Variants in CNTN5 observed in about 807,000 individuals in gnomAD.
The protein encoded by CNTN5 is contactin-5.
Under a neutral mutation model 129.1 loss-of-function variants are expected in CNTN5, and 77 were observed. That is an observed-to-expected ratio of 0.60 (90% CI 0.50 to 0.72). The LOEUF (loss-of-function observed/expected upper bound fraction) is 0.72, where lower values mean the gene tolerates loss of function less well. Ranked by LOEUF, CNTN5 falls within the 30% of genes least tolerant of loss-of-function variation. The probability of loss-of-function intolerance (pLI) is 0.00; values close to 1 mark genes in which losing one functional copy is unlikely to be tolerated. For synonymous variants in CNTN5, 509 were observed against 465.6 expected (o/e 1.09, Z -1.20); for missense variants, 1,478 against 1,328.8 (o/e 1.11, Z -1.75).
At chr11:100,066,802 C>G (rs1943712597) in intron 10 of CNTN5, among the ~76,000 whole-genome samples, 1 of 137,788 alleles carries the variant, frequency 7.3e-6, no homozygotes, top group Admixed American at 7.5e-5. Flanking sequence ...AAGCCAAAGC[C>G]AATGCCCTTT....
chr11:100,341,853 T>C (rs1952169069), intron 23 of CNTN5, among the ~76,000 whole-genome samples: 1 of 151,986 alleles, frequency 6.6e-6, no homozygotes, highest in Non-Finnish European at 1.5e-5. Flanking sequence ...TGTCAGATTC[T>C]GTTTGTTGCA....
chr11:99,539,079 C>T (rs72995216), intron 2 of CNTN5, among the ~76,000 whole-genome samples: 12,645 of 151,992 alleles, frequency 0.083, 615 homozygotes, highest in African/African-American at 0.12. Context: ...AAGAGAACCT[C>T]AGGAGATATG....
intron 4 of CNTN5, among the ~76,000 whole-genome samples, chr11:99,827,604 T>G (rs1947005342): frequency 6.6e-6 from 1 of 152,326 alleles, no homozygotes. Flanking sequence ...CACATATTTT[T>G]GTTAGGTCTG....
chr11:99,609,342 T>C (rs1206238109), intron 3 of CNTN5, among the ~76,000 whole-genome samples: 2 of 152,112 alleles, frequency 1.3e-5, no homozygotes, highest in Admixed American at 6.6e-5. Flanking sequence ...AGATGAGTGG[T>C]AAGCAATTAT....
intron 1 of CNTN5, among the ~76,000 whole-genome samples, chr11:99,172,681 T>C (rs1343212521): frequency 6.6e-6 from 1 of 152,228 alleles, no homozygotes; most frequent in Non-Finnish European, 1.5e-5. Context: ...AATGAATCTA[T>C]AGTTATGAAC....
rs112394091 is a variant in CNTN5 at position 99,471,636 on chromosome 11, GT to G, written c.-70-84499del. On this transcript the variant is annotated intron_variant, in intron 2 of 24. Coordinates refer to ENST00000524871, the MANE Select transcript of CNTN5 (RefSeq NM_014361.4). ...TGGAGATGAGATACTTACTTCATGT[GT>G]TTTTTTTTTCCTGAGGATTATACTA... Among the ~76,000 whole-genome samples, 228 of 149,506 alleles carry G rather than the reference GT, an allele frequency of 1.5e-3. 3 individuals carry two copies. The highest frequency in any genetic ancestry group is 4.9e-3 in the African/African-American group (202 of 40,828).
chr11:99,838,938 C>G (rs1175526480), intron 4 of CNTN5, among the ~76,000 whole-genome samples: 1 of 152,078 alleles, frequency 6.6e-6, no homozygotes, highest in African/African-American at 2.4e-5. Context: ...AAATTAAGCT[C>G]AACTCCTTGA....
chr11:99,872,344 T>C (rs959308358), intron 6 of CNTN5, among the ~76,000 whole-genome samples: 3 of 152,150 alleles, frequency 2.0e-5, no homozygotes, highest in African/African-American at 7.2e-5. Context: ...TTACCATATG[T>C]ATTTTATTTA....
chr11:99,209,590 G>A (rs1859662766), intron 1 of CNTN5, among the ~76,000 whole-genome samples: 1 of 152,098 alleles, frequency 6.6e-6, no homozygotes, highest in South Asian at 2.1e-4. Context: ...TTCCAACAAT[G>A]GGGATTACAT....
At chr11:99,069,442 A>G (rs1940485) in intron 1 of CNTN5, among the ~76,000 whole-genome samples, 57,596 of 151,860 alleles carry the variant, frequency 0.38, 11,120 homozygotes, top group East Asian at 0.54. Flanking sequence ...TTGCCAGTGG[A>G]GAGGTCAGAT....
At chr11:99,291,819 T>G (rs964656115) in intron 1 of CNTN5, among the ~76,000 whole-genome samples, 1 of 152,056 alleles carries the variant, frequency 6.6e-6, no homozygotes, top group Admixed American at 6.6e-5. Context: ...TAACAACGCC[T>G]TTTATTGATA....
intron 21 of CNTN5, among the ~76,000 whole-genome samples, chr11:100,317,271 T>A (rs1234114851): frequency 6.6e-6 from 1 of 152,192 alleles, no homozygotes; most frequent in Non-Finnish European, 1.5e-5. Context: ...CAGATTGTAT[T>A]TACTTTGTAT....
intron 15 of CNTN5, among the ~76,000 whole-genome samples, chr11:100,209,529 A>G (rs533529941): frequency 5.7e-4 from 87 of 152,330 alleles, no homozygotes; most frequent in African/African-American, 2.0e-3. Flanking sequence ...ATAGAAAATC[A>G]GCAACAGTTA....
At chr11:100,262,255 C>A (rs1950215586) in intron 17 of CNTN5, among the ~76,000 whole-genome samples, 2 of 152,150 alleles carry the variant, frequency 1.3e-5, no homozygotes, top group Non-Finnish European at 1.5e-5. Flanking sequence ...CATCTCATGC[C>A]AGTTAGAATG....
chr11:99,734,706 ATT>A (rs57330066), intron 3 of CNTN5, among the ~76,000 whole-genome samples: 64 of 146,964 alleles, frequency 4.4e-4, no homozygotes, highest in Admixed American at 8.1e-4. Flanking sequence ...TATTACACTG[ATT>A]TTTTTTTTTT....
At chr11:99,541,423 G>A (rs1218897025) in intron 2 of CNTN5, among the ~76,000 whole-genome samples, 1 of 152,062 alleles carries the variant, frequency 6.6e-6, no homozygotes, top group African/African-American at 2.4e-5. Flanking sequence ...GTGTCAGTTG[G>A]ATGTTCCAGA....
intron 2 of CNTN5, among the ~76,000 whole-genome samples, chr11:99,351,142 A>G (rs1401948531): frequency 6.6e-6 from 1 of 152,156 alleles, no homozygotes; most frequent in East Asian, 1.9e-4. Flanking sequence ...TGTTCTACAC[A>G]TGTAACCCAG....
At chr11:100,000,720 T>C (rs1437810120) in intron 8 of CNTN5, among the ~76,000 whole-genome samples, 2 of 152,236 alleles carry the variant, frequency 1.3e-5, no homozygotes, top group African/African-American at 2.4e-5. Flanking sequence ...GATCTTTCCC[T>C]GCAGCAAACT....
chr11:99,428,405 A>T (rs1210923045), intron 2 of CNTN5, among the ~76,000 whole-genome samples: 1 of 151,830 alleles, frequency 6.6e-6, no homozygotes, highest in Non-Finnish European at 1.5e-5. Flanking sequence ...ACAAAAACAT[A>T]CAAAAATTAG....
Sources: allele counts gnomAD v4.1 joint callset (sites outside exome capture counted in the v4.1 genomes callset), GRCh38; gene constraint gnomAD v4.1.1; transcripts MANE v1.5; gene names NCBI Gene and HGNC (gene_info 2026-07-23, HGNC 2026-07-21).